Variants in NWD1 observed in about 807,000 individuals in gnomAD.
The protein encoded by NWD1 is NACHT and WD repeat domain containing 1.
In NWD1, 129 loss-of-function variants were observed where a neutral mutation model predicts 135.1. That is an observed-to-expected ratio of 0.96 (90% confidence interval 0.83 to 1.11). NWD1 has a LOEUF of 1.11. NWD1 is among the 50% of genes least tolerant of loss of function. The pLI, the probability that NWD1 is intolerant of heterozygous loss-of-function variation, is 0.00. For synonymous variants in NWD1, 773 were observed against 786.0 expected, an observed-to-expected ratio of 0.98 and a Z score of 0.28; for missense variants, 1,740 against 1,851.3, an observed-to-expected ratio of 0.94 and a Z score of 1.10.
In NWD1 at chr19:16,808,020, G is replaced by T; in HGVS notation, c.4171G>T (p.Val1391Phe). The T allele has an allele frequency of 6.2e-7, 1 of 1,614,166 alleles. No individual in the cohort carries two copies. Among genetic ancestry groups the T allele is most frequent in the African/African-American group, 1.3e-5 (1 of 75,044 alleles). Residue 1391 changes from valine (V) to phenylalanine (F), a missense_variant, in exon 18 of 19, where the codon GTT (valine) becomes TTT (phenylalanine). Transcript: ENST00000524140. ...TCCCTTGGAGACCCACAGGAGCCGA[G>T]TTGCCTGTGTGGAGGTCAGCCACAA... ...AFPLETHRSR[V>F]ACVEVSHKEQ... is the part of the protein sequence containing the mutation.
chr19:16,753,799 ATCCCTCCC>A (rs757356017), intron 6 of NWD1, among the ~76,000 whole-genome samples: 2 of 150,860 alleles, frequency 1.3e-5, no homozygotes, highest in Non-Finnish European at 3.0e-5. Context: ...CCATCCATCA[ATCCCTCCC>A]TCCCTCCCTC....
intron 7 of NWD1, among the ~76,000 whole-genome samples, chr19:16,760,835 C>A (rs552494025): frequency 1.0e-3 from 158 of 152,254 alleles, no homozygotes; most frequent in Non-Finnish European, 2.0e-3. Flanking sequence ...GGTGATCTGC[C>A]CGCCTTGGCC....
chr19:16,771,395 A>G (rs1410233018), intron 10 of NWD1, among the ~76,000 whole-genome samples: 1 of 152,204 alleles, frequency 6.6e-6, no homozygotes, highest in East Asian at 1.9e-4. Context: ...TGTTGCGGTG[A>G]GCCGAGATCA....
At chr19:16,787,924 TCATCATC>T (rs1970102288) in intron 12 of NWD1, among the ~76,000 whole-genome samples, 1 of 138,024 alleles carries the variant, frequency 7.2e-6, no homozygotes, top group South Asian at 2.3e-4. Flanking sequence ...ATCATCATCA[TCATCATC>T]ATCATCATCA....
chr19:16,781,625 A>T (rs1472917594), intron 12 of NWD1, among the ~76,000 whole-genome samples: 1 of 152,042 alleles, frequency 6.6e-6, no homozygotes, highest in Admixed American at 6.6e-5. Flanking sequence ...CAAAAAAAAA[A>T]GCAAGACTAC....
intron 14 of NWD1, among the ~76,000 whole-genome samples, chr19:16,792,633 G>C (rs533491901): frequency 2.6e-5 from 4 of 152,082 alleles, no homozygotes; most frequent in African/African-American, 9.6e-5. Context: ...AGTGAGCCAA[G>C]ATTGCACCAC....
intron 8 of NWD1, among the ~76,000 whole-genome samples, chr19:16,762,717 G>A (rs1599485924): frequency 6.6e-6 from 1 of 152,042 alleles, no homozygotes; most frequent in Non-Finnish European, 1.5e-5. Context: ...GCTGGACTGG[G>A]GAGGCTGGAG....
At position 16,816,424 on chromosome 19, in the gene NWD1, T is replaced by C. The variant is rs1270617903; in HGVS notation, c.*1385T>C. 1 of 152,212 alleles carries C rather than the reference T, an allele frequency of 6.6e-6. No homozygotes were observed. Among genetic ancestry groups the C allele is most frequent in the Non-Finnish European group, 1.5e-5 (1 of 68,038 alleles). The allele number at this position is 152,212 out of a possible 1,614,324, so 9.4% of individuals were successfully genotyped here. Reference sequence around the variant, plus strand: ...CACGCTGGCAGTAAAACAATCAACATGTTATAGTTCATCCCTCTCTATTCC... The same window carrying C: ...CACGCTGGCAGTAAAACAATCAACACGTTATAGTTCATCCCTCTCTATTCC... On this transcript the variant is annotated 3_prime_UTR_variant, in exon 19 of 19. Transcript: ENST00000524140.
chr19:16,742,739 C>T (rs946127992), intron 4 of NWD1, among the ~76,000 whole-genome samples: 33 of 149,986 alleles, frequency 2.2e-4, no homozygotes, highest in African/African-American at 6.9e-4. Context: ...GGCGCAATCT[C>T]GGCTCACCAC....
At chr19:16,778,113 T>C (rs553131764) in intron 11 of NWD1, among the ~76,000 whole-genome samples, 1 of 152,002 alleles carries the variant, frequency 6.6e-6, no homozygotes, top group Non-Finnish European at 1.5e-5. Context: ...GAAACAAAAT[T>C]CTGTATTCTC....
At chr19:16,735,796 AG>A (rs1967772571) in intron 3 of NWD1, among the ~76,000 whole-genome samples, 1 of 34,378 alleles carries the variant, frequency 2.9e-5, no homozygotes, top group Non-Finnish European at 6.2e-5. Context: ...TGCCACTGGA[AG>A]GAAGGAAGGA....
chr19:16,744,719 G>T lies in NWD1; in HGVS notation c.496+1G>T. The T allele has an allele frequency of 1.3e-6, 2 of 1,535,794 alleles. No individual in the cohort carries two copies. The highest frequency in any genetic ancestry group is 1.7e-6 in the Non-Finnish European group (2 of 1,146,678). On this transcript the variant is annotated splice_donor_variant, in intron 5 of 18. Transcript: ENST00000524140. LOFTEE classifies it high-confidence loss of function. ...CAGTGGCAGCACTACCACCGGTCAG[G>T]TGAGGCCGCAGGGACTCCCCTCTGG...
At chr19:16,776,190 T>TC (rs1248844417) in intron 11 of NWD1, among the ~76,000 whole-genome samples, 1 of 152,130 alleles carries the variant, frequency 6.6e-6, no homozygotes. Flanking sequence ...GTGTTTCAGA[T>TC]CCACTGTGCC....
At chr19:16,769,357 G>T (rs1169316233) in intron 10 of NWD1, among the ~76,000 whole-genome samples, 1 of 151,988 alleles carries the variant, frequency 6.6e-6, no homozygotes, top group Non-Finnish European at 1.5e-5. Flanking sequence ...AGTTACTCGG[G>T]AGGCTGAGGC....
At chr19:16,764,383 C>CTAA (rs1208929387) in intron 9 of NWD1, among the ~76,000 whole-genome samples, 1 of 151,092 alleles carries the variant, frequency 6.6e-6, no homozygotes, top group African/African-American at 2.4e-5. Flanking sequence ...ATCCATCCAT[C>CTAA]CATCCATCCA....
At chr19:16,720,775 G>T (rs1468830496) in intron 1 of NWD1, among the ~76,000 whole-genome samples, 1 of 152,002 alleles carries the variant, frequency 6.6e-6, no homozygotes, top group Admixed American at 6.6e-5. Flanking sequence ...GGATGGTCTC[G>T]ATCTCCTGAC....
At position 16,749,868 on chromosome 19, in the gene NWD1, C is replaced by A; in HGVS notation, c.1226C>A (p.Ala409Asp). 6.2e-7 allele frequency: 1 copy of A among 1,613,300 alleles called. No individual in the cohort carries two copies. The highest frequency in any genetic ancestry group is 8.5e-7 in the Non-Finnish European group (1 of 1,179,920). Residue 409 changes from alanine (A) to aspartate (D), a missense_variant, in exon 6 of 19, where the codon GCC (alanine) becomes GAC (aspartate). By Grantham distance (126) the Ala-to-Asp change is moderately radical. Transcript: ENST00000524140. ...LPLPPAQVLD[A>D]HTRVVQFFHT... ...TTGCCCCCTGCCCAGGTTCTGGACG[C>A]CCACACCAGGGTGGTCCAGTTTTTC...
At chr19:16,743,531 C>T (rs1459869437) in intron 4 of NWD1, among the ~76,000 whole-genome samples, 3 of 151,532 alleles carry the variant, frequency 2.0e-5, no homozygotes, top group Non-Finnish European at 2.9e-5. Context: ...TTTATTGACC[C>T]TCGTGACTTC....
intron 10 of NWD1, among the ~76,000 whole-genome samples, chr19:16,768,963 G>T (rs1465365717): frequency 6.6e-6 from 1 of 152,148 alleles, no homozygotes; most frequent in Non-Finnish European, 1.5e-5. Context: ...CCTCCAGACA[G>T]CATCCTCGGA....
Sources: allele counts gnomAD v4.1 joint callset (sites outside exome capture counted in the v4.1 genomes callset), GRCh38; gene constraint gnomAD v4.1.1; transcripts MANE v1.5; gene names NCBI Gene and HGNC (gene_info 2026-07-23, HGNC 2026-07-21).